The following PLEKHG5 variants were observed in gnomAD, a reference collection of about 807,000 sequenced individuals.
PLEKHG5 encodes the protein pleckstrin homology and RhoGEF domain containing G5, also known as pleckstrin homology domain-containing family G member 5.
PLEKHG5 carries 52 observed loss-of-function variants against 103.8 expected under a neutral mutation model. That is an observed-to-expected ratio of 0.50 (90% CI 0.40 to 0.63). The LOEUF (loss-of-function observed/expected upper bound fraction) is 0.63, where lower values mean the gene tolerates loss of function less well. Ranked by LOEUF, PLEKHG5 falls within the 30% of genes least tolerant of loss-of-function variation. PLEKHG5 has a pLI of 0.00. For missense variants in PLEKHG5, 1,205 were observed against 1,347.6 expected, an observed-to-expected ratio of 0.89 and a Z score of 1.66; for synonymous variants, 592 against 575.5, an observed-to-expected ratio of 1.03 and a Z score of -0.41.
chr1:6,467,637 C>T, intron 20 of PLEKHG5, 65 bp from the exon 21 acceptor site: 3 of 1,554,424 alleles, frequency 1.9e-6, no homozygotes, highest in East Asian at 2.2e-5. Context: ...CTCTGGTCAC[C>T]CTCTCTTCCC....
At chr1:6,476,807 T>A (rs906973299) in intron 2 of PLEKHG5, among the ~76,000 whole-genome samples, 7 of 151,976 alleles carry the variant, frequency 4.6e-5, no homozygotes, top group African/African-American at 1.7e-4. Flanking sequence ...CAGGCTGGAG[T>A]GCAGTGGCAC....
chr1:6,477,281 C>A (rs985605068), intron 2 of PLEKHG5, among the ~76,000 whole-genome samples: 4 of 152,234 alleles, frequency 2.6e-5, no homozygotes, highest in African/African-American at 4.8e-5. Context: ...GGGGCAAAAG[C>A]AGCTGGGGGA....
At chr1:6,483,241 G>T (rs1469703288) in intron 1 of PLEKHG5, among the ~76,000 whole-genome samples, 1 of 152,210 alleles carries the variant, frequency 6.6e-6, no homozygotes, top group Non-Finnish European at 1.5e-5. Flanking sequence ...TCAGGGAGGG[G>T]CTGATCTGCA....
intron 1 of PLEKHG5, among the ~76,000 whole-genome samples, chr1:6,511,662 G>T (rs1638474782): frequency 6.6e-6 from 1 of 152,240 alleles, no homozygotes; most frequent in Non-Finnish European, 1.5e-5. Flanking sequence ...GACTGAGGCA[G>T]CAGGGCCACG....
At chr1:6,497,437 G>T (rs1557766493), upstream of PLEKHG5, 1 of 724,570 alleles carries the variant, frequency 1.4e-6, no homozygotes, top group Non-Finnish European at 1.7e-6. This position sits in a 1 kb window ranked among gnomAD's most constrained non-coding sequence, Gnocchi z 6.1. Context: ...GAGGCGGGCG[G>T]GGCAGGTGGG....
chr1:6,469,136 C>G lies in PLEKHG5; in HGVS notation c.2155G>C (p.Glu719Gln), dbSNP rs565235804. ...CTGTCCTCGCCTTCCTCCTCCTCCT[C>G]CTCCTCCTCCTCTTCCTCCTCCTGC... ...DEQEEEEEEEEEEEEGEDSGT... is the reference protein window; with the variant it reads ...DEQEEEEEEEQEEEEGEDSGT... The change falls in exon 19 of 21, where the codon GAG (glutamate) becomes CAG (glutamine). Residue 719 changes from glutamate (E) to glutamine (Q), a missense_variant. Glu to Gln is a conservative substitution (Grantham distance 29). Coordinates refer to ENST00000377728, the MANE Select transcript of PLEKHG5 (RefSeq NM_020631.6). 1 of 1,612,584 alleles carries G rather than the reference C, an allele frequency of 6.2e-7. No homozygotes were observed. The highest frequency in any genetic ancestry group is 1.1e-5 in the South Asian group (1 of 91,062).
chr1:6,495,502 G>C (rs1047340327), upstream of PLEKHG5, among the ~76,000 whole-genome samples: 1 of 152,168 alleles, frequency 6.6e-6, no homozygotes, highest in African/African-American at 2.4e-5. Flanking sequence ...CACGGGCCCT[G>C]GTATGACACA....
Position 6,489,640 on chromosome 1 carries a change from C to G in PLEKHG5, c.-88+1997G>C, listed in dbSNP as rs114488490. ...GCACCTGGACTAGCAAGCCCTTCCC[C>G]GGTGCAACTTAGAAGCCTCCTTGGT... On this transcript the variant is annotated intron_variant, in intron 1 of 20. Transcript: ENST00000377728. Among the ~76,000 whole-genome samples, 980 of 152,306 alleles carry G rather than the reference C, an allele frequency of 6.4e-3. 13 individuals carry two copies. The highest frequency in any genetic ancestry group is 0.022 in the African/African-American group (895 of 41,574).
chr1:6,481,688 C>T (rs2148606623), intron 1 of PLEKHG5, among the ~76,000 whole-genome samples: 1 of 151,348 alleles, frequency 6.6e-6, no homozygotes, highest in South Asian at 2.1e-4. Context: ...CATGGTGAAA[C>T]CCCGTCTCTA....
rs1172862216 is a variant in PLEKHG5 at position 6,473,300 on chromosome 1, C to T, written c.746G>A (p.Arg249His). 3 of 1,586,322 alleles carry T rather than the reference C, an allele frequency of 1.9e-6. No homozygotes were observed. Among genetic ancestry groups the T allele is most frequent in the African/African-American group, 2.7e-5 (2 of 74,254 alleles). ...GCCGGAGCTGAAAAAGCCGCTGAAG[C>T]GACTGGCCGCCCGGTTCTTCCAGCT... is the stretch of plus-strand genomic sequence containing the variant. ...GDSWKNRAAS[R>H]FSGFFSSGPS... Residue 249 changes from arginine to histidine, a missense_variant, in exon 8 of 21, where the codon CGC (arginine) becomes CAC (histidine). By Grantham distance (29) the Arg-to-His change is conservative. Transcript: ENST00000377728.
At chr1:6,503,003 C>G (rs899711411) in intron 1 of PLEKHG5, among the ~76,000 whole-genome samples, 4 of 152,208 alleles carry the variant, frequency 2.6e-5, no homozygotes, top group Non-Finnish European at 5.9e-5. Context: ...CATGGTGCAT[C>G]TGGGTGCCAC....
chr1:6,475,271 C>T, intron 4 of PLEKHG5, 133 bp from the exon 5 acceptor site: 1 of 642,664 alleles, frequency 1.6e-6, no homozygotes, highest in Non-Finnish European at 2.8e-6. Context: ...CTTCCCAACC[C>T]TCCTCCCCAC....
rs1288870331 is a variant in PLEKHG5, at chr1:6,516,866, G to GTGTGTATATATATA, written c.-165+2578_-165+2579insTATATATATACACA. On this transcript the variant is annotated intron_variant, in intron 1 of 21. Coordinates refer to the PLEKHG5 transcript ENST00000377740. ...TATATATATGTGTGTGTATATATGT[G>GTGTGTATATATATA]TATATATATATATATATATACACAT... Among the ~76,000 whole-genome samples, 8 of 25,870 alleles carry GTGTGTATATATATA rather than the reference G, an allele frequency of 3.1e-4. 1 individual carries two copies. The East Asian group carries it at 4.2e-3, about 14-fold the overall frequency. The allele number at this position is 25,870 out of a possible 152,430, so 17.0% of individuals were successfully genotyped here.
rs766348219 is a variant in PLEKHG5 at position 6,467,439 on chromosome 1, G to C, written c.*124C>G. The C allele has an allele frequency of 4.9e-6, 5 of 1,024,338 alleles. No homozygotes were observed. Among genetic ancestry groups the C allele is most frequent in the Non-Finnish European group, 7.7e-6 (5 of 645,406 alleles). 63.5% of individuals were successfully genotyped at this position (1,024,338 alleles called of 1,614,324 possible). On this transcript the variant is annotated 3_prime_UTR_variant, in exon 21 of 21. Coordinates refer to ENST00000377728, the MANE Select transcript of PLEKHG5 (RefSeq NM_020631.6). Reference sequence around the variant, plus strand: ...CAAATCGGGCCCGGGCGTAGGCAGGGATCCTGCCCAGCATCCGGCTCATGC... The same window carrying C: ...CAAATCGGGCCCGGGCGTAGGCAGGCATCCTGCCCAGCATCCGGCTCATGC...
chr1:6,472,668 T>C, intron 9 of PLEKHG5, 46 bp from the exon 10 acceptor site: 1 of 1,436,948 alleles, frequency 7.0e-7, no homozygotes, highest in Non-Finnish European at 9.7e-7. Flanking sequence ...TGGAGCACCT[T>C]AGGGTGGCCG....
In PLEKHG5 at chr1:6,469,598, T is replaced by G; in HGVS notation, c.1879A>C (p.Ile627Leu). Residue 627 changes from isoleucine to leucine, a missense_variant, in exon 17 of 21, where the codon ATC becomes CTC. By Grantham distance (5) the Ile-to-Leu change is conservative. Transcript: ENST00000377728. ...TTGTCCACGAGCAGGGGTGGCCTGA[T>G]GACCCTGGTCCTCTCTGCCTTCTTC... is the stretch of plus-strand genomic sequence containing the variant. Reference protein sequence around the residue: ...AVKKAERTRVIRPPLLVDKIV... With the variant: ...AVKKAERTRVLRPPLLVDKIV... 1 of 1,613,884 alleles carries G rather than the reference T, an allele frequency of 6.2e-7. No homozygotes were observed.
intron 2 of PLEKHG5, 56 bp downstream of exon 2, chr1:6,477,473 T>C (rs527944301): frequency 1.3e-6 from 2 of 1,585,944 alleles, no homozygotes; most frequent in Admixed American, 1.7e-5. Flanking sequence ...CGACAGTTAC[T>C]GAAACACTGA....
chr1:6,480,981 C>T (rs1348030547), intron 1 of PLEKHG5, among the ~76,000 whole-genome samples: 1 of 152,128 alleles, frequency 6.6e-6, no homozygotes, highest in Non-Finnish European at 1.5e-5. Flanking sequence ...CTCTGTTATG[C>T]CCCCATCTGG....
intron 3 of PLEKHG5, 152 bp from the exon 4 acceptor site, chr1:6,475,674 T>C: frequency 1.3e-6 from 1 of 768,150 alleles, no homozygotes; most frequent in African/African-American, 1.7e-5. Context: ...CATAGGGCTG[T>C]GCGCCCTCTG....
Sources: allele counts gnomAD v4.1 joint callset (sites outside exome capture counted in the v4.1 genomes callset), GRCh38; gene constraint gnomAD v4.1.1; non-coding constraint Gnocchi (gnomAD v3.1); transcripts MANE v1.5; gene names NCBI Gene and HGNC (gene_info 2026-07-23, HGNC 2026-07-21).